The following CTNND2 variants were observed in gnomAD, a reference collection of about 807,000 sequenced individuals.
The protein encoded by CTNND2 is catenin delta-2.
A neutral mutation model predicts 144.4 loss-of-function variants in CTNND2; 22 were observed. The ratio of observed to expected loss-of-function variants is 0.15; its 90% CI spans 0.11 to 0.22. CTNND2 has a LOEUF of 0.22. CTNND2 is among the 10% of genes least tolerant of loss of function. CTNND2 has a pLI of 1.00. For missense variants in CTNND2, 1,353 were observed against 1,618.8 expected (o/e 0.84, Z 2.82); for synonymous variants, 751 against 695.6 (o/e 1.08, Z -1.25).
At position 11,903,982 on chromosome 5, in the gene CTNND2, G is replaced by A. The variant is rs1245976386; in HGVS notation, c.-129C>T. The A allele has an allele frequency of 1.8e-6, 2 of 1,121,206 alleles. No individual in the cohort carries two copies. Among genetic ancestry groups the A allele is most frequent in the Admixed American group, 4.4e-5 (1 of 22,828 alleles). The allele number at this position is 1,121,206 out of a possible 1,614,324, so 69.5% of individuals were successfully genotyped here. On this transcript the variant is annotated 5_prime_UTR_variant, in exon 1 of 22. Transcript: ENST00000304623. The surrounding 1 kb of genome is among the most constrained non-coding windows in gnomAD (Gnocchi z 5.4). ...CTTTTGTTGTCTGAGCGCGGCCGCG[G>A]GACAAGGGATGCTGGCGGGCGGCAG...
intron 2 of CTNND2, among the ~76,000 whole-genome samples, chr5:11,635,347 A>G (rs1561642273): frequency 2.0e-5 from 3 of 152,168 alleles, no homozygotes; most frequent in African/African-American, 7.2e-5. Flanking sequence ...GAGTCCTACT[A>G]CTAAGCATGA....
At position 11,298,223 on chromosome 5, in the gene CTNND2, G is replaced by A. The variant is rs181123866; in HGVS notation, c.1628+48149C>T. 1.3e-3 allele frequency among the ~76,000 whole-genome samples: 199 copies of A among 152,218 alleles called. 1 individual carries two copies. Among genetic ancestry groups the A allele is most frequent in the Non-Finnish European group, 1.4e-3 (92 of 68,010 alleles). ...GACAGGGTCTTGCTCTGTCACCCAG[G>A]CTGGAGGCACAATCACAGCTCACTG... On this transcript the variant is annotated intron_variant, in intron 9 of 21. Transcript: ENST00000304623.
At chr5:11,179,855 T>C (rs1760831933) in intron 11 of CTNND2, among the ~76,000 whole-genome samples, 1 of 152,220 alleles carries the variant, frequency 6.6e-6, no homozygotes, top group Non-Finnish European at 1.5e-5. Flanking sequence ...TTGGTGCTTA[T>C]TACATTAACC....
intron 11 of CTNND2, among the ~76,000 whole-genome samples, 170 bp from the exon 12 acceptor site, chr5:11,159,929 G>C (rs1215986776): frequency 2.6e-5 from 4 of 152,162 alleles, no homozygotes; most frequent in Non-Finnish European, 5.9e-5. Context: ...CCCATTAAAA[G>C]CATTCTGTGA....
In CTNND2 at chr5:11,903,692, C is replaced by A. The variant is rs1422127179; in HGVS notation, c.37+125G>T. 2 of 1,051,202 alleles carry A rather than the reference C, an allele frequency of 1.9e-6. No homozygotes were observed. The highest frequency in any genetic ancestry group is 2.5e-6 in the Non-Finnish European group (2 of 785,614). The allele number at this position is 1,051,202 out of a possible 1,614,324, so 65.1% of individuals were successfully genotyped here. On this transcript the variant is annotated intron_variant, in intron 1 of 21. Transcript: ENST00000304623. This position sits in a 1 kb window ranked among gnomAD's most constrained non-coding sequence, Gnocchi z 5.4. ...TCCTCCCCGAGGCAGGCAGAAACCC[C>A]GCAGCAGCCGCCGCCGCCGCCTGCC...
At chr5:11,099,272 G>A (rs969615940) in intron 14 of CTNND2, among the ~76,000 whole-genome samples, 3 of 152,042 alleles carry the variant, frequency 2.0e-5, no homozygotes, top group African/African-American at 7.2e-5. Context: ...TGACAGAATC[G>A]ATAAAAGAGA....
chr5:11,495,397 A>G (rs946141753), intron 3 of CTNND2, among the ~76,000 whole-genome samples: 10 of 152,196 alleles, frequency 6.6e-5, no homozygotes, highest in African/African-American at 1.9e-4. Context: ...ATTTATTCAA[A>G]TTAATAACCT....
chr5:11,280,654 C>A (rs1472279852), intron 9 of CTNND2, among the ~76,000 whole-genome samples: 2 of 152,194 alleles, frequency 1.3e-5, no homozygotes, highest in Non-Finnish European at 2.9e-5. Flanking sequence ...TCGACATATA[C>A]ATTTTTTGGA....
Position 11,384,588 on chromosome 5 carries a change from T to C in CTNND2, c.1177+77A>G. The C allele has an allele frequency of 7.1e-7, 1 of 1,401,254 alleles. No homozygotes were observed. Among genetic ancestry groups the C allele is most frequent in the Non-Finnish European group, 9.6e-7 (1 of 1,046,520 alleles). 86.8% of individuals were successfully genotyped at this position (1,401,254 alleles called of 1,614,324 possible). On this transcript the variant is annotated intron_variant, in intron 7 of 21. Coordinates refer to ENST00000304623, the MANE Select transcript of CTNND2 (RefSeq NM_001332.4). This position sits in a 1 kb window ranked among gnomAD's most constrained non-coding sequence, Gnocchi z 5.2. ...CAGACAGCGCGCCCGGCTTCGCTTC[T>C]GCTCAAGCCGGGCTGCTGCTTCCGC...
intron 9 of CTNND2, among the ~76,000 whole-genome samples, chr5:11,314,276 G>A (rs1368977939): frequency 1.3e-5 from 2 of 152,134 alleles, no homozygotes; most frequent in Non-Finnish European, 2.9e-5. Flanking sequence ...CCTAAAGTCT[G>A]GAAATGTGCT....
At chr5:11,514,762 T>G (rs26169) in intron 3 of CTNND2, among the ~76,000 whole-genome samples, 65,925 of 151,922 alleles carry the variant, frequency 0.43, 15,089 homozygotes, top group South Asian at 0.55. Flanking sequence ...AAGATGCAAA[T>G]ATGCATGTGC....
chr5:11,898,672 T>C (rs56100352), intron 1 of CTNND2, among the ~76,000 whole-genome samples: 28,434 of 152,150 alleles, frequency 0.19, 3,188 homozygotes, highest in Admixed American at 0.27. Context: ...CAAATATAAT[T>C]GGCTCACCTG....
intron 2 of CTNND2, chr5:11,588,818 G>A (rs766890420): frequency 2.0e-5 from 20 of 985,256 alleles, no homozygotes; most frequent in Non-Finnish European, 2.4e-5. Context: ...TCCCAAAGAT[G>A]AAGGGTTACT....
At chr5:11,100,062 T>G (rs140304719) in intron 14 of CTNND2, among the ~76,000 whole-genome samples, 162 of 152,256 alleles carry the variant, frequency 1.1e-3, no homozygotes, top group Non-Finnish European at 2.0e-3. Flanking sequence ...ATTCTGAAAG[T>G]TTTACTGCAA....
intron 1 of CTNND2, among the ~76,000 whole-genome samples, chr5:11,836,784 TGAAAATATGTGAGACA>T (rs1428331274): frequency 1.3e-5 from 2 of 152,182 alleles, no homozygotes; most frequent in Admixed American, 6.5e-5. Flanking sequence ...ATATTGGCAA[TGAAAATATGTGAGACA>T]GAAATTACAA....
At chr5:11,706,830 A>C (rs1785722078) in intron 2 of CTNND2, among the ~76,000 whole-genome samples, 1 of 152,120 alleles carries the variant, frequency 6.6e-6, no homozygotes, top group Non-Finnish European at 1.5e-5. Flanking sequence ...TCAGGCCTGT[A>C]ATCCCAGCAC....
chr5:11,546,682 C>T (rs1202521280), intron 3 of CTNND2, among the ~76,000 whole-genome samples: 1 of 152,096 alleles, frequency 6.6e-6, no homozygotes, highest in African/African-American at 2.4e-5. Context: ...ACGAACAACA[C>T]AAAACCTTTC....
At chr5:11,138,328 C>T (rs139217415) in intron 12 of CTNND2, among the ~76,000 whole-genome samples, 9 of 152,170 alleles carry the variant, frequency 5.9e-5, no homozygotes, top group Admixed American at 1.3e-4. Context: ...ACCCTATTCA[C>T]GTCTGCAAAG....
chr5:11,373,730 G>T (rs543974838), intron 7 of CTNND2, among the ~76,000 whole-genome samples: 1 of 152,284 alleles, frequency 6.6e-6, no homozygotes, highest in East Asian at 1.9e-4. Context: ...ATCTTGAGGA[G>T]CATGTGTCAA....
Sources: gnomAD v4.1 joint callset for allele counts (sites outside exome capture counted in the v4.1 genomes callset) on GRCh38, gnomAD v4.1.1 for gene constraint, Gnocchi (gnomAD v3.1) non-coding constraint, MANE v1.5 for transcripts, NCBI Gene and HGNC (gene_info 2026-07-23, HGNC 2026-07-21) for gene names.